Variants in PTPRN2 observed in about 807,000 individuals in gnomAD.
PTPRN2 encodes protein tyrosine phosphatase receptor type N2.
A neutral mutation model predicts 118.8 loss-of-function variants in PTPRN2; 74 were observed. That is an observed-to-expected ratio of 0.62 (90% CI 0.52 to 0.76). The LOEUF is 0.76. PTPRN2 is among the 30% of genes least tolerant of loss of function. The pLI, the probability that PTPRN2 is intolerant of heterozygous loss-of-function variation, is 0.00. For synonymous variants in PTPRN2, 641 were observed against 608.0 expected (o/e 1.05, Z -0.80); for missense variants, 1,481 against 1,394.4 (o/e 1.06, Z -0.99).
chr7:158,543,274 A>AC (rs1191472072), intron 1 of PTPRN2, among the ~76,000 whole-genome samples: 1 of 151,746 alleles, frequency 6.6e-6, no homozygotes, highest in Non-Finnish European at 1.5e-5. Context: ...AACCCTCCCC[A>AC]CCCCGAGGCT....
At chr7:157,915,517 C>A (rs2128765419) in intron 11 of PTPRN2, among the ~76,000 whole-genome samples, 1 of 151,008 alleles carries the variant, frequency 6.6e-6, no homozygotes, top group East Asian at 1.9e-4. Flanking sequence ...CATCCTCCAG[C>A]CCAATGGAGA....
chr7:157,776,168 TG>T (rs1803211470), intron 12 of PTPRN2, among the ~76,000 whole-genome samples: 2 of 133,066 alleles, frequency 1.5e-5, no homozygotes, highest in African/African-American at 5.6e-5. Flanking sequence ...ACCTCCTCCC[TG>T]TCCTCCTTCT....
chr7:158,054,906 G>A (rs1809662704), intron 11 of PTPRN2, among the ~76,000 whole-genome samples: 1 of 152,120 alleles, frequency 6.6e-6, no homozygotes, highest in Non-Finnish European at 1.5e-5. Context: ...GCACGCCAGT[G>A]CCCAAGGTCA....
intron 5 of PTPRN2, among the ~76,000 whole-genome samples, chr7:158,173,126 C>A (rs560965198): frequency 1.3e-5 from 2 of 151,656 alleles, no homozygotes; most frequent in South Asian, 2.1e-4. Flanking sequence ...ACCAGCGTCC[C>A]CACCATCATC....
At position 157,787,419 on chromosome 7, in the gene PTPRN2, G is replaced by A. The variant is rs1007223651; in HGVS notation, c.1789-104482C>T. On this transcript the variant is annotated intron_variant, in intron 12 of 22. Transcript: ENST00000389418. This position sits in a 1 kb window ranked among gnomAD's most constrained non-coding sequence, Gnocchi z 5.3. Reference sequence around the variant, plus strand: ...CCATAGAAAGTCTGGCGCAGCAGCCGGTGGGCCTGGGGGGCGCGTGGACTC... The same window carrying A: ...CCATAGAAAGTCTGGCGCAGCAGCCAGTGGGCCTGGGGGGCGCGTGGACTC... Among the ~76,000 whole-genome samples, 10 of 152,140 alleles carry A rather than the reference G, an allele frequency of 6.6e-5. No homozygotes were observed. The highest frequency in any genetic ancestry group is 2.2e-4 in the African/African-American group (9 of 41,446).
chr7:158,564,541 C>A (rs982830640), intron 1 of PTPRN2, among the ~76,000 whole-genome samples: 1 of 152,248 alleles, frequency 6.6e-6, no homozygotes, highest in Non-Finnish European at 1.5e-5. Context: ...CGAAGCAGCA[C>A]GGGGCTAGGC....
chr7:157,900,669 G>GCAGT (rs1347533681), intron 11 of PTPRN2, among the ~76,000 whole-genome samples: 1 of 152,184 alleles, frequency 6.6e-6, no homozygotes, highest in African/African-American at 2.4e-5. Flanking sequence ...TGACGAAAAC[G>GCAGT]CAGTCCTCCT....
At chr7:157,837,707 G>C (rs1808071325) in intron 12 of PTPRN2, among the ~76,000 whole-genome samples, 1 of 152,146 alleles carries the variant, frequency 6.6e-6, no homozygotes, top group South Asian at 2.1e-4. Flanking sequence ...ACCCTCACAA[G>C]GACACAGTGT....
At chr7:158,013,172 A>T (rs1252992725) in intron 11 of PTPRN2, among the ~76,000 whole-genome samples, 1 of 152,214 alleles carries the variant, frequency 6.6e-6, no homozygotes, top group Non-Finnish European at 1.5e-5. Flanking sequence ...GGCTTCCATA[A>T]GCTGAAGAGC....
At chr7:157,963,978 C>T (rs1264333951) in intron 11 of PTPRN2, among the ~76,000 whole-genome samples, 2 of 152,232 alleles carry the variant, frequency 1.3e-5, no homozygotes, top group African/African-American at 2.4e-5. Flanking sequence ...TGAGCCACTG[C>T]ACCCAGTCAT....
intron 11 of PTPRN2, among the ~76,000 whole-genome samples, chr7:157,997,433 T>G (rs1010374071): frequency 6.6e-6 from 1 of 152,218 alleles, no homozygotes; most frequent in East Asian, 1.9e-4. Flanking sequence ...TAAATCCCCC[T>G]GGCTGGCGCC....
Position 158,403,286 on chromosome 7 carries a change from G to A in PTPRN2, c.164-86354C>T, listed in dbSNP as rs539067343. Among the ~76,000 whole-genome samples, 14 of 152,300 alleles carry A rather than the reference G, an allele frequency of 9.2e-5. No homozygotes were observed. The South Asian group carries it at 2.5e-3, about 27-fold the overall frequency. Reference sequence around the variant, plus strand: ...AGGAAGCCAAGTGAAAGACACAAACGCACCCATGCAGGCCCTGCCGTACTG... The same window carrying A: ...AGGAAGCCAAGTGAAAGACACAAACACACCCATGCAGGCCCTGCCGTACTG... On this transcript the variant is annotated intron_variant, in intron 2 of 22. Coordinates refer to ENST00000389418, the MANE Select transcript of PTPRN2 (RefSeq NM_002847.5).
At chr7:157,734,900 C>G (rs1021534531) in intron 12 of PTPRN2, among the ~76,000 whole-genome samples, 1 of 152,198 alleles carries the variant, frequency 6.6e-6, no homozygotes. Flanking sequence ...ATATTGATGT[C>G]GACGTGGGAG....
chr7:157,710,718 C>T (rs1178712015), intron 12 of PTPRN2, among the ~76,000 whole-genome samples: 5 of 152,326 alleles, frequency 3.3e-5, no homozygotes, highest in South Asian at 2.1e-4. Flanking sequence ...TACTGCCTGC[C>T]GCCTGGGCAC....
intron 11 of PTPRN2, among the ~76,000 whole-genome samples, chr7:158,042,003 A>G (rs985281222): frequency 6.6e-6 from 1 of 152,200 alleles, no homozygotes; most frequent in African/African-American, 2.4e-5. Flanking sequence ...ACCTGCTTTA[A>G]GCCTCAGCAA....
intron 6 of PTPRN2, among the ~76,000 whole-genome samples, chr7:158,139,807 G>A (rs1819202438): frequency 6.6e-6 from 1 of 152,222 alleles, no homozygotes; most frequent in South Asian, 2.1e-4. Context: ...TGCAGAGTCA[G>A]GCATTTGACG....
intron 12 of PTPRN2, among the ~76,000 whole-genome samples, chr7:157,897,712 GCTT>G (rs1797213043): frequency 6.6e-6 from 1 of 152,188 alleles, no homozygotes; most frequent in Non-Finnish European, 1.5e-5. Context: ...CAATTAAGCA[GCTT>G]CTTATTTCAA....
At chr7:157,954,185 GGTACATGTGTGCTGTGTGGTGTGTGTA>G (rs1325590997) in intron 11 of PTPRN2, among the ~76,000 whole-genome samples, 14 of 68,848 alleles carry the variant, frequency 2.0e-4, no homozygotes, top group Non-Finnish European at 3.4e-4. Context: ...TGGTGTGTGT[GGTACATGTGTGCTGTGTGGTGTGTGTA>G]GTCTCTGCAT....
In PTPRN2 at chr7:158,368,876, T is replaced by C. The variant is rs561519773; in HGVS notation, c.164-51944A>G. 1.2e-4 allele frequency among the ~76,000 whole-genome samples: 18 copies of C among 152,328 alleles called. 1 individual carries two copies. In the East Asian group the frequency reaches 3.5e-3, roughly 29 times the overall value. ...GGGGTCCAGAGGAACCAGAGTGTGA[T>C]GGTTAACACTGAGTGTCAACTTGAT... is the stretch of plus-strand genomic sequence containing the variant. On this transcript the variant is annotated intron_variant, in intron 2 of 22. Transcript: ENST00000389418.
Sources: allele counts gnomAD v4.1 joint callset (sites outside exome capture counted in the v4.1 genomes callset), GRCh38; gene constraint gnomAD v4.1.1; non-coding constraint Gnocchi (gnomAD v3.1); transcripts MANE v1.5; gene names NCBI Gene and HGNC (gene_info 2026-07-23, HGNC 2026-07-21).